DNAJC6: variants seen among roughly 807,000 people sequenced by gnomAD.
DNAJC6 encodes auxilin.
In DNAJC6, 34 loss-of-function variants were observed where a neutral mutation model predicts 110.0. The observed-to-expected ratio is 0.31, with a 90% CI of 0.24 to 0.41. The LOEUF (loss-of-function observed/expected upper bound fraction) is 0.41, where lower values mean the gene tolerates loss of function less well. Ranked by LOEUF, DNAJC6 falls within the 10% of genes least tolerant of loss-of-function variation. The probability of loss-of-function intolerance (pLI) is 1.00; values close to 1 mark genes in which losing one functional copy is unlikely to be tolerated. For missense variants in DNAJC6, 1,031 were observed against 1,207.8 expected, an observed-to-expected ratio of 0.85 and a Z score of 2.17; for synonymous variants, 406 against 437.2, an observed-to-expected ratio of 0.93 and a Z score of 0.89.
chr1:65,309,993 C>A, intron 1 of DNAJC6, 55 bp downstream of exon 1: 1 of 1,363,362 alleles, frequency 7.3e-7, no homozygotes, highest in Non-Finnish European at 9.4e-7. Context: ...TCCGGAGCCT[C>A]CCAGTCGCCC....
At chr1:65,298,508 A>G (rs1644947849) in intron 1 of DNAJC6, among the ~76,000 whole-genome samples, 2 of 152,194 alleles carry the variant, frequency 1.3e-5, no homozygotes, top group Non-Finnish European at 2.9e-5. Context: ...GAAATCTGAT[A>G]GTTACTTCCC....
At chr1:65,314,119 C>T (rs1490285092) in intron 1 of DNAJC6, among the ~76,000 whole-genome samples, 1 of 151,680 alleles carries the variant, frequency 6.6e-6, no homozygotes, top group Admixed American at 6.6e-5. Context: ...AAGGATTTCT[C>T]TTTTGATTCT....
At chr1:65,291,274 C>T (rs1390110780) in intron 1 of DNAJC6, among the ~76,000 whole-genome samples, 1 of 152,166 alleles carries the variant, frequency 6.6e-6, no homozygotes, top group Non-Finnish European at 1.5e-5. Context: ...CTCAAGTGAT[C>T]CACCCACCTT....
chr1:65,398,719 G>A, intron 13 of DNAJC6, 94 bp from the exon 14 acceptor site: 4 of 1,294,064 alleles, frequency 3.1e-6, no homozygotes, highest in Admixed American at 1.8e-5. Flanking sequence ...GGCCATGCAG[G>A]CTTCAGGGAT....
At chr1:65,286,099 G>C (rs1460635561) in intron 1 of DNAJC6, among the ~76,000 whole-genome samples, 1 of 152,202 alleles carries the variant, frequency 6.6e-6, no homozygotes, top group Non-Finnish European at 1.5e-5. Flanking sequence ...CAGCAACTTG[G>C]AAGGTCAATG....
chr1:65,343,219 G>A (rs1283052300), intron 1 of DNAJC6, among the ~76,000 whole-genome samples: 3 of 152,140 alleles, frequency 2.0e-5, no homozygotes, highest in Admixed American at 6.6e-5. Context: ...CCTTCCTCCT[G>A]TGTAGTGGAG....
intron 1 of DNAJC6, 36 bp downstream of exon 1, chr1:65,309,974 C>A: frequency 3.7e-6 from 5 of 1,362,528 alleles, no homozygotes; most frequent in South Asian, 1.8e-5. Flanking sequence ...CGCTGAGCCC[C>A]GCGCGGCCTC....
chr1:65,337,710 A>G (rs760426613), intron 1 of DNAJC6, among the ~76,000 whole-genome samples: 4 of 152,220 alleles, frequency 2.6e-5, no homozygotes, highest in Non-Finnish European at 2.9e-5. Context: ...TTGCAATGTA[A>G]TAGGTATTAT....
chr1:65,283,242 C>T (rs368556323), intron 1 of DNAJC6, among the ~76,000 whole-genome samples: 8 of 152,180 alleles, frequency 5.3e-5, no homozygotes, highest in African/African-American at 1.2e-4. Context: ...CTAATGACCA[C>T]GGTGATCAAG....
At chr1:65,394,853 A>G (rs769503165) in intron 12 of DNAJC6, 45 bp from the exon 13 acceptor site, 22 of 1,528,342 alleles carry the variant, frequency 1.4e-5, no homozygotes, top group Non-Finnish European at 1.8e-5. Flanking sequence ...CATTTAGTGA[A>G]TGAACTCATG....
At chr1:65,396,320 A>G (rs1645976599) in intron 13 of DNAJC6, among the ~76,000 whole-genome samples, 1 of 152,148 alleles carries the variant, frequency 6.6e-6, no homozygotes, top group African/African-American at 2.4e-5. Flanking sequence ...ATGTTAAGTC[A>G]TGTCATTGCT....
At chr1:65,333,461 A>T (rs780803381) in intron 1 of DNAJC6, among the ~76,000 whole-genome samples, 2 of 152,026 alleles carry the variant, frequency 1.3e-5, no homozygotes, top group East Asian at 3.9e-4. Flanking sequence ...TGCCTTGTAA[A>T]CTGGGTATAA....
chr1:65,286,448 T>C (rs903705887), intron 1 of DNAJC6, among the ~76,000 whole-genome samples: 1 of 152,156 alleles, frequency 6.6e-6, no homozygotes, highest in African/African-American at 2.4e-5. Flanking sequence ...GGTCTCACTT[T>C]GTTGCCCAGG....
chr1:65,356,931 G>T (rs1645549511), intron 1 of DNAJC6, among the ~76,000 whole-genome samples: 1 of 152,146 alleles, frequency 6.6e-6, no homozygotes, highest in African/African-American at 2.4e-5. Flanking sequence ...GCAGCCTTTG[G>T]AGCCAAAGCA....
At position 65,411,431 on chromosome 1, in the gene DNAJC6, G is replaced by T; in HGVS notation, c.2811+5G>T. ...CTGGTGGTGCACCCAGATAAAGTGG[G>T]TATAACCTGCCCTGTTGTGTAACTT... On this transcript the variant is annotated splice_donor_5th_base_variant and intron_variant, in intron 18 of 18. Transcript: ENST00000371069. The T allele has an allele frequency of 6.2e-7, 1 of 1,612,616 alleles. No homozygotes were observed. The highest frequency in any genetic ancestry group is 8.5e-7 in the Non-Finnish European group (1 of 1,178,906).
intron 11 of DNAJC6, among the ~76,000 whole-genome samples, chr1:65,392,167 G>C (rs1444405126): frequency 6.6e-6 from 1 of 152,204 alleles, no homozygotes; most frequent in Admixed American, 6.5e-5. Flanking sequence ...GAGCCAGTGA[G>C]TAGTGAAGCT....
At chr1:65,380,257 G>C (rs1478152199) in intron 5 of DNAJC6, among the ~76,000 whole-genome samples, 2 of 152,082 alleles carry the variant, frequency 1.3e-5, no homozygotes, top group African/African-American at 4.8e-5. Context: ...GGCATAAAAG[G>C]CTTCAATAAG....
chr1:65,315,718 C>T (rs555307587), intron 1 of DNAJC6, among the ~76,000 whole-genome samples: 12 of 152,234 alleles, frequency 7.9e-5, no homozygotes, highest in Admixed American at 1.3e-4. Flanking sequence ...ATGATAGTAA[C>T]GGTCATCTTA....
At chr1:65,400,494 C>T (rs1189537715) in intron 14 of DNAJC6, among the ~76,000 whole-genome samples, 3 of 152,152 alleles carry the variant, frequency 2.0e-5, no homozygotes, top group Admixed American at 1.3e-4. Flanking sequence ...TACCTCCAAC[C>T]ACCCCAGCAC....
Sources: allele counts gnomAD v4.1 joint callset (sites outside exome capture counted in the v4.1 genomes callset), GRCh38; gene constraint gnomAD v4.1.1; transcripts MANE v1.5; gene names NCBI Gene and HGNC (gene_info 2026-07-23, HGNC 2026-07-21).